Variants in CNTNAP5 observed in about 807,000 individuals in gnomAD.
CNTNAP5 encodes contactin associated protein family member 5.
A neutral mutation model predicts 150.2 loss-of-function variants in CNTNAP5; 72 were observed. The observed-to-expected ratio is 0.48, with a 90% CI of 0.40 to 0.58. The LOEUF (loss-of-function observed/expected upper bound fraction) is 0.58. Ranked by LOEUF, CNTNAP5 falls within the 20% of genes least tolerant of loss-of-function variation. CNTNAP5 has a pLI of 0.00. For missense variants in CNTNAP5, 1,636 were observed against 1,626.2 expected (o/e 1.01, Z -0.10); for synonymous variants, 672 against 619.8 (o/e 1.08, Z -1.25).
At position 124,903,017 on chromosome 2, in the gene CNTNAP5, T is replaced by C; in HGVS notation, c.3572T>C (p.Val1191Ala). 6.2e-7 allele frequency: 1 copy of C among 1,611,104 alleles called. No individual in the cohort carries two copies. The highest frequency in any genetic ancestry group is 8.5e-7 in the Non-Finnish European group (1 of 1,178,620). Reference protein sequence around the residue: ...LRHATVAPVTVHGTLTESSCG... With the variant: ...LRHATVAPVTAHGTLTESSCG... ...CATGCCACTGTCGCGCCTGTGACTG[T>C]CCATGGGACCTTGACGGAATCCAGC... The change falls in exon 22 of 24, where the codon GTC becomes GCC. Residue 1191 changes from valine (V) to alanine (A), a missense_variant. By Grantham distance (64) the Val-to-Ala change is moderately conservative. Transcript: ENST00000682447.
Position 124,417,508 on chromosome 2 carries a change from C to A in CNTNAP5, c.447C>A (p.Ala149=). The stretch of plus-strand genomic sequence containing the variant: ...ACAAGCTATTGCACTCAGTGAGAGC[C>A]CGATTTGTTCGCTTTGTGCCCCTGG... ...VHHKLLHSVR[A]RFVRFVPLEW... is the part of the protein sequence containing the mutation. Residue 149 remains alanine, a synonymous_variant, in exon 4 of 24, where the codon GCC becomes GCA. Coordinates refer to ENST00000682447, the MANE Select transcript of CNTNAP5 (RefSeq NM_001367498.1). 6.2e-7 allele frequency: 1 copy of A among 1,613,826 alleles called. No homozygotes were observed. The highest frequency in any genetic ancestry group is 8.5e-7 in the Non-Finnish European group (1 of 1,179,848).
At chr2:124,592,887 A>C (rs1226824576) in intron 11 of CNTNAP5, among the ~76,000 whole-genome samples, 2 of 151,762 alleles carry the variant, frequency 1.3e-5, no homozygotes, top group Non-Finnish European at 2.9e-5. Flanking sequence ...AATTTTTCCC[A>C]GTTTGTCCAT....
intron 3 of CNTNAP5, among the ~76,000 whole-genome samples, chr2:124,245,406 T>C (rs1384362045): frequency 1.3e-5 from 2 of 152,134 alleles, no homozygotes; most frequent in Admixed American, 1.3e-4. Context: ...ATTAAGACTC[T>C]GGGTCCACCA....
chr2:124,611,004 C>T (rs1267370887), intron 12 of CNTNAP5, among the ~76,000 whole-genome samples: 2 of 145,588 alleles, frequency 1.4e-5, no homozygotes, highest in Non-Finnish European at 3.1e-5. Flanking sequence ...TTATGAGCAT[C>T]ATTAATTGGC....
At chr2:124,114,666 G>A (rs1683382638) in intron 1 of CNTNAP5, among the ~76,000 whole-genome samples, 1 of 151,588 alleles carries the variant, frequency 6.6e-6, no homozygotes, top group Non-Finnish European at 1.5e-5. Flanking sequence ...GTAGAAGTAA[G>A]AATTATAGAC....
chr2:124,347,986 C>A (rs2104699122), intron 3 of CNTNAP5, among the ~76,000 whole-genome samples: 1 of 152,090 alleles, frequency 6.6e-6, no homozygotes, highest in East Asian at 1.9e-4. Context: ...TGCCACCACG[C>A]CCGGCTAATT....
In CNTNAP5 at chr2:124,764,044, G is replaced by T; in HGVS notation, c.2430G>T (p.Ala810=). 1 of 1,613,150 alleles carries T rather than the reference G, an allele frequency of 6.2e-7. No homozygotes were observed. Among genetic ancestry groups the T allele is most frequent in the Non-Finnish European group, 8.5e-7 (1 of 1,179,384 alleles). ...ACCTCCACTTTCCTACCTTCCATGC[G>T]GAATTCAGTGCCGATATTTCCTTCT... is the stretch of plus-strand genomic sequence containing the variant. The part of the protein sequence containing the change: ...ASYLHFPTFH[A]EFSADISFFF... Residue 810 remains alanine (A), a synonymous_variant, in exon 16 of 24, where the codon GCG becomes GCT. Transcript: ENST00000682447.
At chr2:124,061,716 A>G (rs936523165) in intron 1 of CNTNAP5, among the ~76,000 whole-genome samples, 3 of 152,234 alleles carry the variant, frequency 2.0e-5, no homozygotes, top group African/African-American at 7.2e-5. Context: ...AAGGCTACCT[A>G]ACTAAATAAT....
At chr2:124,509,290 T>A (rs1324707898) in intron 8 of CNTNAP5, among the ~76,000 whole-genome samples, 1 of 152,242 alleles carries the variant, frequency 6.6e-6, no homozygotes, top group African/African-American at 2.4e-5. Flanking sequence ...AATTTAGTTA[T>A]TCTAGGGATG....
Position 124,446,852 on chromosome 2 carries a change from G to C in CNTNAP5, c.833G>C (p.Gly278Ala). 6.2e-7 allele frequency: 1 copy of C among 1,613,866 alleles called. No individual in the cohort carries two copies. Among genetic ancestry groups the C allele is most frequent in the Non-Finnish European group, 8.5e-7 (1 of 1,179,826 alleles). ...HWHSVLIERV[G>A]KQVNFTVDKH... ...CACTCGGTCCTCATTGAGCGGGTGGGCAAGCAGGTGAACTTCACGGTGGAC... is the reference window on the plus strand; with the variant it reads ...CACTCGGTCCTCATTGAGCGGGTGGCCAAGCAGGTGAACTTCACGGTGGAC... The change falls in exon 6 of 24, where the codon GGC (glycine) becomes GCC (alanine). Residue 278 changes from glycine to alanine, a missense_variant. Gly to Ala is a moderately conservative substitution (Grantham distance 60). Transcript: ENST00000682447.
In CNTNAP5 at chr2:124,895,046, G is replaced by T. The variant is rs146792883; in HGVS notation, c.3437-7836G>T. ...TTATCAAGAAACCCAATTAAAAAGT[G>T]AAAAATTAATTTAGCCAGGTAGTTA... is the stretch of plus-strand genomic sequence containing the variant. On this transcript the variant is annotated intron_variant, in intron 21 of 23. Coordinates refer to ENST00000682447, the MANE Select transcript of CNTNAP5 (RefSeq NM_001367498.1). 9.1e-3 allele frequency among the ~76,000 whole-genome samples: 1,386 copies of T among 151,582 alleles called. 15 individuals carry two copies. The highest frequency in any genetic ancestry group is 0.013 in the Non-Finnish European group (907 of 67,986).
chr2:124,496,894 C>T (rs1376577896), intron 7 of CNTNAP5, among the ~76,000 whole-genome samples: 1 of 152,210 alleles, frequency 6.6e-6, no homozygotes, highest in African/African-American at 2.4e-5. Context: ...CAGATGCATT[C>T]TCCTTTCAGT....
rs145148697 is a variant in CNTNAP5 at position 124,658,539 on chromosome 2, A to G, written c.2077+10581A>G. On this transcript the variant is annotated intron_variant, in intron 13 of 23. Coordinates refer to ENST00000682447, the MANE Select transcript of CNTNAP5 (RefSeq NM_001367498.1). ...TTTGTCAGCCTCTCAAGCTTATGAA[A>G]TGTGCTAATATAGTTATGTAATAGG... Among the ~76,000 whole-genome samples the G allele has an allele frequency of 3.3e-3, 497 of 152,234 alleles. 6 individuals are homozygous for G. Among genetic ancestry groups the G allele is most frequent in the African/African-American group, 0.011 (463 of 41,544 alleles).
At position 124,789,955 on chromosome 2, in the gene CNTNAP5, T is replaced by A. The variant is rs1441100081; in HGVS notation, c.2806T>A (p.Leu936Met). The A allele has an allele frequency of 6.2e-7, 1 of 1,613,852 alleles. No homozygotes were observed. The highest frequency in any genetic ancestry group is 1.1e-5 in the South Asian group (1 of 91,068). ...CCTAGGATGCATTCGCTCCTTACAC[T>A]TGAATGGACAGAAAATGGACCTGGA... Reference protein sequence around the residue: ...GFLGCIRSLHLNGQKMDLEER... With the variant: ...GFLGCIRSLHMNGQKMDLEER... Residue 936 changes from leucine to methionine, a missense_variant, in exon 18 of 24, where the codon TTG (leucine) becomes ATG (methionine). Transcript: ENST00000682447.
At chr2:124,431,427 G>A (rs998892696) in intron 4 of CNTNAP5, among the ~76,000 whole-genome samples, 2 of 150,390 alleles carry the variant, frequency 1.3e-5, no homozygotes, top group African/African-American at 4.9e-5. Flanking sequence ...AAGAGGAATG[G>A]GGGAAATAGC....
chr2:124,085,121 CA>C (rs1682653671), intron 1 of CNTNAP5, among the ~76,000 whole-genome samples: 1 of 150,936 alleles, frequency 6.6e-6, no homozygotes, highest in Non-Finnish European at 1.5e-5. Flanking sequence ...GGGGTTTCAC[CA>C]TGTTGGTCAG....
chr2:124,378,626 A>T (rs1480314733), intron 3 of CNTNAP5, among the ~76,000 whole-genome samples: 2 of 152,036 alleles, frequency 1.3e-5, no homozygotes, highest in Admixed American at 1.3e-4. Flanking sequence ...GCTGTCAGTT[A>T]GGCTTTCGTG....
chr2:124,327,139 C>A (rs1689239429), intron 3 of CNTNAP5, among the ~76,000 whole-genome samples: 1 of 150,770 alleles, frequency 6.6e-6, no homozygotes, highest in Non-Finnish European at 1.5e-5. Flanking sequence ...TGCCACCACA[C>A]CTGGCTAATT....
intron 21 of CNTNAP5, among the ~76,000 whole-genome samples, chr2:124,893,409 T>A (rs954492879): frequency 6.6e-6 from 1 of 152,120 alleles, no homozygotes; most frequent in African/African-American, 2.4e-5. Flanking sequence ...AAGCTGAAAC[T>A]GGGTAAAGCG....
Sources: allele counts gnomAD v4.1 joint callset (sites outside exome capture counted in the v4.1 genomes callset), GRCh38; gene constraint gnomAD v4.1.1; transcripts MANE v1.5; gene names NCBI Gene and HGNC (gene_info 2026-07-23, HGNC 2026-07-21).